STAG1: variants seen among roughly 807,000 people sequenced by gnomAD.
STAG1 encodes STAG1 cohesin complex component.
STAG1 carries 26 observed loss-of-function variants against 170.9 expected under a neutral mutation model. That is an observed-to-expected ratio of 0.15 (90% CI 0.11 to 0.21). The LOEUF is 0.21. STAG1 is among the 10% of genes least tolerant of loss of function. STAG1 has a pLI of 1.00. For missense variants in STAG1, 964 were observed against 1,509.5 expected (o/e 0.64, Z 5.99); for synonymous variants, 514 against 497.7 (o/e 1.03, Z -0.44).
intron 32 of STAG1, 149 bp downstream of exon 32, chr3:136,340,342 G>A (rs1335414762): frequency 2.0e-5 from 11 of 540,428 alleles, no homozygotes; most frequent in African/African-American, 5.8e-5. Context: ...GGCTGGTTTC[G>A]AACTCCCGAC....
intron 30 of STAG1, among the ~76,000 whole-genome samples, chr3:136,342,395 TACA>T (rs920296851): frequency 2.0e-5 from 3 of 152,060 alleles, no homozygotes; most frequent in African/African-American, 7.2e-5. Flanking sequence ...CTCAGCTCAC[TACA>T]ACCTCTGCCT....
rs1559841885 is a variant in STAG1 at position 136,498,255 on chromosome 3, C to CAT, written c.902+1967_902+1968insAT. 3.2e-3 allele frequency among the ~76,000 whole-genome samples: 252 copies of CAT among 78,354 alleles called. 8 individuals are homozygous for CAT. The highest frequency in any genetic ancestry group is 9.6e-3 in the African/African-American group (146 of 15,140). The allele number at this position is 78,354 out of a possible 152,430, so 51.4% of individuals were successfully genotyped here. A position where few individuals can be genotyped will look rare whatever the true frequency, so the allele number is the denominator to read the frequency against. On this transcript the variant is annotated intron_variant, in intron 9 of 33. Coordinates refer to ENST00000383202, the MANE Select transcript of STAG1 (RefSeq NM_005862.3). ...ATATACACATACATATACATACACA[C>CAT]ACACACACACACACACACCACACAC...
chr3:136,549,968 A>G (rs1936316522), intron 5 of STAG1, among the ~76,000 whole-genome samples: 2 of 152,172 alleles, frequency 1.3e-5, no homozygotes, highest in Non-Finnish European at 1.5e-5. Flanking sequence ...AATGTGGCAT[A>G]CCATATTAAT....
At chr3:136,340,644 T>G (rs1553787463) in intron 31 of STAG1, 39 bp from the exon 32 acceptor site, 1 of 1,355,068 alleles carries the variant, frequency 7.4e-7, no homozygotes, top group South Asian at 1.2e-5. Flanking sequence ...CTCATCAGAC[T>G]CCACCATTTG....
chr3:136,593,167 A>T (rs1249751581), intron 4 of STAG1, among the ~76,000 whole-genome samples: 1 of 152,000 alleles, frequency 6.6e-6, no homozygotes, highest in Non-Finnish European at 1.5e-5. Context: ...TGCTCTGGTC[A>T]CTCGCGCATG....
In STAG1 at chr3:136,733,805, A is replaced by C. The variant is rs141230131; in HGVS notation, c.-84+18390T>G. 1.8e-4 allele frequency among the ~76,000 whole-genome samples: 28 copies of C among 152,314 alleles called. No individual in the cohort carries two copies. In the East Asian group the frequency reaches 5.4e-3, roughly 29 times the overall value. ...TTCAACTTTTATACCTTGGCACTAT[A>C]AGAATTTCTACACACTTGCAGGCCC... On this transcript the variant is annotated intron_variant, in intron 1 of 33. Transcript: ENST00000383202.
At chr3:136,463,095 C>A (rs1487170171) in intron 13 of STAG1, among the ~76,000 whole-genome samples, 2 of 152,110 alleles carry the variant, frequency 1.3e-5, no homozygotes, top group East Asian at 1.9e-4. Context: ...CAGACAACAT[C>A]CAAAGATAAA....
chr3:136,554,619 GCA>G (rs1408618337), intron 5 of STAG1, among the ~76,000 whole-genome samples: 1 of 152,152 alleles, frequency 6.6e-6, no homozygotes, highest in African/African-American at 2.4e-5. Context: ...TTCTGAACAG[GCA>G]CAGTGGCTCA....
chr3:136,717,999 G>A (rs540377940), intron 1 of STAG1, among the ~76,000 whole-genome samples: 1 of 152,246 alleles, frequency 6.6e-6, no homozygotes, highest in South Asian at 2.1e-4. Flanking sequence ...GGGGAGGAAA[G>A]CACAGGACCT....
chr3:136,467,843 G>A (rs1217618271), intron 12 of STAG1, among the ~76,000 whole-genome samples: 1 of 152,254 alleles, frequency 6.6e-6, no homozygotes, highest in East Asian at 1.9e-4. Flanking sequence ...CTAGAACTCA[G>A]GATTAAGAAA....
At chr3:136,472,579 T>A in intron 11 of STAG1, 87 bp from the exon 12 acceptor site, 1 of 870,850 alleles carries the variant, frequency 1.1e-6, no homozygotes, top group Non-Finnish European at 1.8e-6. Context: ...GGGATATATA[T>A]GCAATACTAA....
chr3:136,352,897 G>A (rs1936489981), intron 28 of STAG1, among the ~76,000 whole-genome samples: 1 of 152,072 alleles, frequency 6.6e-6, no homozygotes, highest in Admixed American at 6.6e-5. Context: ...AACTTATGAT[G>A]GGTTTATTAG....
chr3:136,690,686 G>C (rs1942692005), intron 1 of STAG1, among the ~76,000 whole-genome samples: 1 of 152,164 alleles, frequency 6.6e-6, no homozygotes, highest in South Asian at 2.1e-4. Flanking sequence ...ACAGGAGTAA[G>C]ACTGTTACAT....
At chr3:136,522,010 A>G (rs1482664271) in intron 6 of STAG1, among the ~76,000 whole-genome samples, 2 of 152,216 alleles carry the variant, frequency 1.3e-5, no homozygotes, top group African/African-American at 4.8e-5. Context: ...TGAGTTCTTG[A>G]TATCACCAGG....
intron 1 of STAG1, among the ~76,000 whole-genome samples, chr3:136,713,111 T>C (rs565098019): frequency 1.3e-5 from 2 of 151,716 alleles, no homozygotes; most frequent in Non-Finnish European, 2.9e-5. Flanking sequence ...ACCACAAGAG[T>C]GTTCTCAGCA....
At chr3:136,640,049 T>C (rs1213199675) in intron 1 of STAG1, among the ~76,000 whole-genome samples, 1 of 152,180 alleles carries the variant, frequency 6.6e-6, no homozygotes, top group African/African-American at 2.4e-5. Context: ...TGTAAGTTTT[T>C]GAAGAAAGAA....
chr3:136,438,332 C>T (rs2088518285), intron 15 of STAG1, among the ~76,000 whole-genome samples: 1 of 147,598 alleles, frequency 6.8e-6, no homozygotes, highest in African/African-American at 2.5e-5. Context: ...CTGTGATTCT[C>T]CTGCCTCAGT....
At chr3:136,713,809 G>A (rs183090921) in intron 1 of STAG1, among the ~76,000 whole-genome samples, 1 of 152,048 alleles carries the variant, frequency 6.6e-6, no homozygotes, top group Admixed American at 6.6e-5. Context: ...GATTACCTGA[G>A]GTCAGAAATT....
chr3:136,736,671 T>C, intron 1 of STAG1: 2 of 1,604,864 alleles, frequency 1.2e-6, no homozygotes, highest in Non-Finnish European at 1.7e-6. Context: ...AGCTTCAATC[T>C]CTTCTCCCCT....
Sources: gnomAD v4.1 joint callset for allele counts (sites outside exome capture counted in the v4.1 genomes callset) on GRCh38, gnomAD v4.1.1 for gene constraint, MANE v1.5 for transcripts, NCBI Gene and HGNC (gene_info 2026-07-23, HGNC 2026-07-21) for gene names.